SUGCT: variants seen among roughly 807,000 people sequenced by gnomAD.
The protein encoded by SUGCT is succinyl-CoA:glutarate CoA-transferase.
A neutral mutation model predicts 55.0 loss-of-function variants in SUGCT; 41 were observed. The ratio of observed to expected loss-of-function variants is 0.74; its 90% confidence interval spans 0.58 to 0.97. The LOEUF (loss-of-function observed/expected upper bound fraction) is 0.97, where lower values mean the gene tolerates loss of function less well. SUGCT is among the 50% of genes least tolerant of loss of function. SUGCT has a pLI of 0.00. For synonymous variants in SUGCT, 187 were observed against 200.4 expected, an observed-to-expected ratio of 0.93 and a Z score of 0.56; for missense variants, 568 against 547.8, an observed-to-expected ratio of 1.04 and a Z score of -0.37.
intron 12 of SUGCT, among the ~76,000 whole-genome samples, chr7:40,527,565 G>C (rs2151587761): frequency 6.6e-6 from 1 of 152,300 alleles, no homozygotes; most frequent in Admixed American, 6.5e-5. Context: ...AGACACTGCT[G>C]TCATTTCACA....
chr7:40,578,900 C>G (rs899503257), intron 12 of SUGCT, among the ~76,000 whole-genome samples: 3 of 152,130 alleles, frequency 2.0e-5, no homozygotes, highest in African/African-American at 7.2e-5. Flanking sequence ...AGAATGTGAA[C>G]TCCATGAAAG....
chr7:40,711,919 C>T (rs760302982), intron 12 of SUGCT, among the ~76,000 whole-genome samples: 5 of 152,198 alleles, frequency 3.3e-5, no homozygotes, highest in South Asian at 4.1e-4. Flanking sequence ...GACTGGCCTG[C>T]GCTTAGGTAG....
intron 8 of SUGCT, among the ~76,000 whole-genome samples, chr7:40,282,611 C>T (rs1367164786): frequency 6.6e-6 from 1 of 152,074 alleles, no homozygotes; most frequent in East Asian, 1.9e-4. Context: ...ATTAAAGGGG[C>T]CAGTGCAGTG....
intron 1 of SUGCT, among the ~76,000 whole-genome samples, chr7:40,167,742 G>A (rs1291431565): frequency 1.3e-5 from 2 of 152,194 alleles, no homozygotes; most frequent in Non-Finnish European, 2.9e-5. Flanking sequence ...GAGCGGCAAT[G>A]GGTGCCTCAC....
chr7:40,295,831 C>T (rs1794104493), intron 8 of SUGCT, among the ~76,000 whole-genome samples: 1 of 152,150 alleles, frequency 6.6e-6, no homozygotes, highest in South Asian at 2.1e-4. Context: ...CAGTTCTTCT[C>T]CTTACACCCC....
At chr7:40,899,272 C>G in the SUGCT span, among the ~76,000 whole-genome samples, 1 of 152,198 alleles carries the variant, frequency 6.6e-6, no homozygotes, top group African/African-American at 2.4e-5. Context: ...CAGAGGTTCT[C>G]TGCGTATCTG....
intron 9 of SUGCT, among the ~76,000 whole-genome samples, chr7:40,417,084 G>T (rs962645602): frequency 1.3e-5 from 2 of 151,738 alleles, no homozygotes; most frequent in African/African-American, 4.8e-5. Flanking sequence ...TCTTTATCTG[G>T]TATATCTGTT....
At chr7:40,670,650 G>C (rs969172151) in intron 12 of SUGCT, among the ~76,000 whole-genome samples, 1 of 152,126 alleles carries the variant, frequency 6.6e-6, no homozygotes, top group African/African-American at 2.4e-5. Flanking sequence ...GAGTGGCTGT[G>C]CCTGACTTAA....
intron 7 of SUGCT, among the ~76,000 whole-genome samples, chr7:40,245,203 T>G (rs1189623972): frequency 6.7e-6 from 1 of 149,728 alleles, no homozygotes; most frequent in Non-Finnish European, 1.5e-5. Context: ...TACAGGCACC[T>G]GCCACCATGC....
the SUGCT span, among the ~76,000 whole-genome samples, chr7:40,956,041 T>A: frequency 1.3e-5 from 2 of 152,242 alleles, no homozygotes; most frequent in Non-Finnish European, 2.9e-5. Context: ...AATATTTTAT[T>A]GAGAATTTTT....
At chr7:40,435,286 G>A (rs1788109148) in intron 9 of SUGCT, among the ~76,000 whole-genome samples, 1 of 152,140 alleles carries the variant, frequency 6.6e-6, no homozygotes, top group Non-Finnish European at 1.5e-5. Flanking sequence ...AGTATATTCA[G>A]CATGTCACTT....
intron 9 of SUGCT, among the ~76,000 whole-genome samples, chr7:40,375,367 CTT>C (rs1784490964): frequency 2.0e-5 from 3 of 152,178 alleles, no homozygotes; most frequent in Admixed American, 2.0e-4. Flanking sequence ...TGATTGGAAA[CTT>C]TGAGTGGGAA....
intron 9 of SUGCT, among the ~76,000 whole-genome samples, chr7:40,422,759 T>A (rs970881321): frequency 2.0e-5 from 3 of 151,824 alleles, no homozygotes; most frequent in African/African-American, 7.3e-5. Flanking sequence ...ATGTAATTAC[T>A]GTGATTTGAG....
the SUGCT span, among the ~76,000 whole-genome samples, chr7:40,949,742 T>G: frequency 3.9e-5 from 6 of 152,186 alleles, no homozygotes; most frequent in Non-Finnish European, 8.8e-5. Context: ...TTTTGTCAGG[T>G]TTGTCAAAGA....
At chr7:40,414,660 A>T (rs13231453) in intron 9 of SUGCT, among the ~76,000 whole-genome samples, 1 of 151,934 alleles carries the variant, frequency 6.6e-6, no homozygotes, top group African/African-American at 2.4e-5. Context: ...TAATCCCAGC[A>T]CTTTGGGAGG....
chr7:40,333,592 A>G (rs775663928), intron 9 of SUGCT, among the ~76,000 whole-genome samples: 72 of 134,570 alleles, frequency 5.4e-4, no homozygotes, highest in Non-Finnish European at 1.1e-3. Context: ...AGCCAAGATC[A>G]CACCACTGCA....
chr7:40,903,562 G>A, the SUGCT span, among the ~76,000 whole-genome samples: 4 of 152,132 alleles, frequency 2.6e-5, no homozygotes, highest in African/African-American at 9.7e-5. Context: ...GGCTCTGAAA[G>A]GCCTGCCTTT....
chr7:40,468,035 T>C (rs1790216051), intron 11 of SUGCT, among the ~76,000 whole-genome samples: 2 of 151,850 alleles, frequency 1.3e-5, no homozygotes, highest in South Asian at 4.2e-4. Context: ...CAAGAGACAC[T>C]TGTTCTGCGT....
At chr7:40,701,326 G>A (rs1183236026) in intron 12 of SUGCT, among the ~76,000 whole-genome samples, 1 of 152,288 alleles carries the variant, frequency 6.6e-6, no homozygotes. Flanking sequence ...TCTCAGCCAC[G>A]GCAGCCACTT....
Sources: gnomAD v4.1 joint callset for allele counts (sites outside exome capture counted in the v4.1 genomes callset) on GRCh38, gnomAD v4.1.1 for gene constraint, MANE v1.5 for transcripts, NCBI Gene and HGNC (gene_info 2026-07-23, HGNC 2026-07-21) for gene names.